EYS: variants seen among roughly 807,000 people sequenced by gnomAD.
EYS encodes the protein protein eyes shut homolog.
A neutral mutation model predicts 282.1 loss-of-function variants in EYS; 250 were observed. The observed-to-expected ratio is 0.89, with a 90% CI of 0.80 to 0.98. EYS has a LOEUF of 0.98. Among genes scored for constraint, EYS ranks in the 50% least tolerant of loss-of-function variants. EYS has a pLI of 0.00. For missense variants in EYS, 4,016 were observed against 3,709.0 expected (o/e 1.08, Z -2.15); for synonymous variants, 1,355 against 1,282.9 (o/e 1.06, Z -1.20).
At position 64,439,188 on chromosome 6, in the gene EYS, A is replaced by C; in HGVS notation, c.5809T>G (p.Leu1937Val). The C allele has an allele frequency of 6.7e-7, 1 of 1,484,156 alleles. No individual in the cohort carries two copies. Among genetic ancestry groups the C allele is most frequent in the African/African-American group, 1.4e-5 (1 of 69,200 alleles). The allele number at this position is 1,484,156 out of a possible 1,614,324, so 91.9% of individuals were successfully genotyped here. A position where few individuals can be genotyped will look rare whatever the true frequency, so the allele number is the denominator to read the frequency against. The change falls in exon 27 of 43, where the codon TTG (leucine) becomes GTG (valine). Residue 1937 changes from leucine (L) to valine (V), a missense_variant. Physicochemically the swap from Leu to Val is conservative, Grantham distance 32 (BLOSUM62 1). Coordinates refer to ENST00000503581, the MANE Select transcript of EYS (RefSeq NM_001142800.2). ...SNLVDGFFIQ[L>V]FIENGTLKYH... Reference sequence around the variant, plus strand: ...TTTAAAGTACCATTTTCAATAAACAATTGAATAAAAAATCCATCTACTAAA... The same window carrying C: ...TTTAAAGTACCATTTTCAATAAACACTTGAATAAAAAATCCATCTACTAAA...
chr6:63,739,553 A>G (rs529169321), intron 41 of EYS, among the ~76,000 whole-genome samples: 1 of 152,290 alleles, frequency 6.6e-6, no homozygotes, highest in East Asian at 1.9e-4. Context: ...TCTGTTGGCA[A>G]TATTCCCAAA....
At chr6:65,534,581 C>T (rs1767897377) in intron 2 of EYS, among the ~76,000 whole-genome samples, 1 of 152,050 alleles carries the variant, frequency 6.6e-6, no homozygotes, top group Non-Finnish European at 1.5e-5. Context: ...CATTGACTGA[C>T]GGCTTCCTTA....
intron 22 of EYS, among the ~76,000 whole-genome samples, chr6:64,752,783 C>T (rs980988882): frequency 9.9e-5 from 15 of 152,098 alleles, no homozygotes; most frequent in Non-Finnish European, 1.5e-5. Context: ...CTCTAAAGGA[C>T]ATCTCATCAG....
chr6:63,725,974 T>TA (rs1386447996), intron 42 of EYS, among the ~76,000 whole-genome samples: 2 of 152,264 alleles, frequency 1.3e-5, no homozygotes, highest in Admixed American at 6.5e-5. Context: ...ATATCAAGGG[T>TA]AAAGTAAAAC....
intron 31 of EYS, among the ~76,000 whole-genome samples, chr6:64,154,558 C>T (rs1233389012): frequency 6.6e-6 from 1 of 150,574 alleles, no homozygotes; most frequent in African/African-American, 2.4e-5. Context: ...GATAAAATGG[C>T]AGGGTAGCTA....
At chr6:65,627,792 C>T (rs1218686578) in intron 2 of EYS, among the ~76,000 whole-genome samples, 7 of 152,182 alleles carry the variant, frequency 4.6e-5, no homozygotes, top group African/African-American at 1.4e-4. Context: ...GGGTAGGGCT[C>T]GGGACCTGCA....
At chr6:65,472,529 A>G (rs1393280541) in intron 5 of EYS, among the ~76,000 whole-genome samples, 1 of 152,070 alleles carries the variant, frequency 6.6e-6, no homozygotes, top group Non-Finnish European at 1.5e-5. Flanking sequence ...AATTTCCTGA[A>G]CAACTCTTCA....
At chr6:65,365,197 T>C (rs1272136773) in intron 8 of EYS, among the ~76,000 whole-genome samples, 2 of 151,706 alleles carry the variant, frequency 1.3e-5, no homozygotes, top group Admixed American at 6.7e-5. Flanking sequence ...AACTGACCTA[T>C]ATTTGCTGAT....
At chr6:64,121,198 T>G (rs1773577919) in intron 31 of EYS, among the ~76,000 whole-genome samples, 2 of 152,192 alleles carry the variant, frequency 1.3e-5, no homozygotes, top group African/African-American at 4.8e-5. Context: ...AGCATAATCA[T>G]GCGGATGAGC....
At chr6:63,843,897 G>A (rs1043901956) in intron 36 of EYS, among the ~76,000 whole-genome samples, 3 of 152,150 alleles carry the variant, frequency 2.0e-5, no homozygotes, top group Admixed American at 1.3e-4. Flanking sequence ...GGGTGTGCAG[G>A]TTTGTTACAT....
At chr6:64,319,001 A>T (rs146748915) in intron 29 of EYS, among the ~76,000 whole-genome samples, 1 of 151,926 alleles carries the variant, frequency 6.6e-6, no homozygotes, top group Non-Finnish European at 1.5e-5. Context: ...CAAATACTAG[A>T]TCTTATTCAT....
chr6:65,370,743 C>T (rs73741559), intron 8 of EYS, among the ~76,000 whole-genome samples: 1,721 of 151,940 alleles, frequency 0.011, 41 homozygotes, highest in African/African-American at 0.039. Context: ...AAGAGTTCTC[C>T]TGCTCAGTTT....
Position 65,370,025 on chromosome 6 carries a change from T to C in EYS, c.1299+14361A>G, listed in dbSNP as rs540955860. ...TTGGGGTACAATCAGAAGATATCTTTCACAGATTAAAATGTAATTGGTAAG... is the reference window on the plus strand; with the variant it reads ...TTGGGGTACAATCAGAAGATATCTTCCACAGATTAAAATGTAATTGGTAAG... On this transcript the variant is annotated intron_variant, in intron 8 of 42. Coordinates refer to ENST00000503581, the MANE Select transcript of EYS (RefSeq NM_001142800.2). Among the ~76,000 whole-genome samples the C allele has an allele frequency of 1.8e-4, 28 of 151,708 alleles. 1 individual carries two copies. The highest frequency in any genetic ancestry group is 6.7e-4 in the African/African-American group (28 of 41,504).
At chr6:64,224,057 C>T (rs1055723029) in intron 31 of EYS, among the ~76,000 whole-genome samples, 2 of 151,926 alleles carry the variant, frequency 1.3e-5, no homozygotes, top group African/African-American at 2.4e-5. Context: ...AGAATGGAAC[C>T]TTTACTGTGA....
At chr6:64,656,006 G>C (rs1768730294) in intron 22 of EYS, among the ~76,000 whole-genome samples, 1 of 152,046 alleles carries the variant, frequency 6.6e-6, no homozygotes, top group African/African-American at 2.4e-5. Flanking sequence ...TCACCTCTTT[G>C]AAAAGTTAAC....
chr6:65,206,561 C>T (rs1766040478), intron 12 of EYS, among the ~76,000 whole-genome samples: 2 of 151,738 alleles, frequency 1.3e-5, no homozygotes, highest in Non-Finnish European at 3.0e-5. Context: ...ATACTAAAAT[C>T]ATGCAATGAC....
chr6:64,299,041 G>C (rs947788675), intron 30 of EYS, among the ~76,000 whole-genome samples: 5 of 152,288 alleles, frequency 3.3e-5, no homozygotes, highest in African/African-American at 1.2e-4. Context: ...TTGTAAAATA[G>C]ACACAAACCT....
intron 12 of EYS, among the ~76,000 whole-genome samples, chr6:65,203,002 G>T (rs183296246): frequency 7.9e-5 from 12 of 152,190 alleles, no homozygotes; most frequent in Non-Finnish European, 1.6e-4. Flanking sequence ...ACCCAGTGCC[G>T]CACAGCTTTG....
chr6:65,481,161 A>G (rs1347950479), intron 5 of EYS, among the ~76,000 whole-genome samples: 1 of 152,192 alleles, frequency 6.6e-6, no homozygotes, highest in Non-Finnish European at 1.5e-5. Flanking sequence ...GTGATGGATA[A>G]GTTAATTACT....
Sources: gnomAD v4.1 joint callset for allele counts (sites outside exome capture counted in the v4.1 genomes callset) on GRCh38, gnomAD v4.1.1 for gene constraint, MANE v1.5 for transcripts, NCBI Gene and HGNC (gene_info 2026-07-23, HGNC 2026-07-21) for gene names.